Variants in PDE4D observed in about 807,000 individuals in gnomAD.
The protein encoded by PDE4D is 3',5'-cyclic-AMP phosphodiesterase 4D.
Under a neutral mutation model 87.4 loss-of-function variants are expected in PDE4D, and 24 were observed. The observed-to-expected ratio is 0.27, with a 90% CI of 0.20 to 0.39. PDE4D has a LOEUF of 0.39. Ranked by LOEUF, PDE4D falls within the 10% of genes least tolerant of loss-of-function variation. The pLI is 1.00. For missense variants in PDE4D, 714 were observed against 1,041.0 expected (o/e 0.69, Z 4.32); for synonymous variants, 384 against 383.2 (o/e 1.00, Z -0.02).
chr5:60,374,271 T>C (rs1056844577), intron 1 of PDE4D, among the ~76,000 whole-genome samples: 1 of 152,140 alleles, frequency 6.6e-6, no homozygotes, highest in Non-Finnish European at 1.5e-5. Context: ...CAATGGACAC[T>C]TTTTGCCATC....
intron 1 of PDE4D, among the ~76,000 whole-genome samples, chr5:59,390,061 A>G (rs1324297240): frequency 3.3e-5 from 5 of 152,158 alleles, no homozygotes; most frequent in Non-Finnish European, 1.5e-5. Context: ...CCCTGATTTG[A>G]TCATCACACA....
At chr5:59,767,742 T>C (rs765798420) in intron 1 of PDE4D, among the ~76,000 whole-genome samples, 92 of 152,262 alleles carry the variant, frequency 6.0e-4, no homozygotes, top group Non-Finnish European at 7.4e-4. Context: ...ATACTGTATA[T>C]CAAAGTCAGG....
intron 5 of PDE4D, among the ~76,000 whole-genome samples, chr5:59,049,072 C>T (rs370863443): frequency 6.6e-6 from 1 of 152,128 alleles, no homozygotes; most frequent in Non-Finnish European, 1.5e-5. Flanking sequence ...TTTTCAATAC[C>T]TTTCCCTTTT....
intron 2 of PDE4D, among the ~76,000 whole-genome samples, chr5:60,152,201 T>C (rs1435655806): frequency 2.0e-5 from 3 of 152,202 alleles, no homozygotes; most frequent in African/African-American, 7.2e-5. Context: ...ATCAGAAATA[T>C]TTATCAGTAA....
intron 1 of PDE4D, among the ~76,000 whole-genome samples, chr5:59,310,818 T>C (rs767988148): frequency 6.6e-6 from 1 of 152,152 alleles, no homozygotes; most frequent in African/African-American, 2.4e-5. Flanking sequence ...GGGACTCAGA[T>C]GCAGGTTTTC....
At chr5:59,009,902 T>C (rs549422911) in intron 6 of PDE4D, among the ~76,000 whole-genome samples, 1 of 152,352 alleles carries the variant, frequency 6.6e-6, no homozygotes, top group African/African-American at 2.4e-5. Flanking sequence ...GGCATAGTTA[T>C]GTATGATAAA....
intron 1 of PDE4D, among the ~76,000 whole-genome samples, chr5:59,676,281 C>A (rs1202643423): frequency 6.6e-6 from 1 of 152,136 alleles, no homozygotes; most frequent in Non-Finnish European, 1.5e-5. Flanking sequence ...TTAGAGTTTT[C>A]TTAGAAATAC....
At chr5:59,675,028 G>A (rs1747833609) in intron 1 of PDE4D, among the ~76,000 whole-genome samples, 1 of 152,178 alleles carries the variant, frequency 6.6e-6, no homozygotes, top group Non-Finnish European at 1.5e-5. Flanking sequence ...TCAACTACCT[G>A]TAACTAGATT....
At chr5:59,589,046 C>T (rs1583233864) in intron 1 of PDE4D, among the ~76,000 whole-genome samples, 1 of 152,176 alleles carries the variant, frequency 6.6e-6, no homozygotes, top group East Asian at 1.9e-4. Flanking sequence ...AGTATTACCC[C>T]ATTTAATCCA....
intron 5 of PDE4D, among the ~76,000 whole-genome samples, chr5:59,082,639 A>G (rs1425473903): frequency 6.6e-6 from 1 of 152,168 alleles, no homozygotes; most frequent in Non-Finnish European, 1.5e-5. Flanking sequence ...AAACTCTTGT[A>G]TAAATATTAT....
intron 1 of PDE4D, among the ~76,000 whole-genome samples, chr5:60,312,477 C>T (rs1240860709): frequency 6.6e-6 from 1 of 152,108 alleles, no homozygotes; most frequent in African/African-American, 2.4e-5. Context: ...GTTCTGCACT[C>T]CTAGGAGGCC....
At chr5:60,189,268 T>C (rs996971521) in intron 1 of PDE4D, among the ~76,000 whole-genome samples, 1 of 152,264 alleles carries the variant, frequency 6.6e-6, no homozygotes, top group Non-Finnish European at 1.5e-5. Flanking sequence ...GGACCACCTA[T>C]ATACATTTTG....
intron 5 of PDE4D, among the ~76,000 whole-genome samples, chr5:59,089,233 A>T (rs1294267769): frequency 6.6e-6 from 1 of 152,150 alleles, no homozygotes; most frequent in Non-Finnish European, 1.5e-5. Context: ...GAGTTTCAGA[A>T]GAGAAACTGA....
At chr5:59,762,001 C>T (rs1049914475) in intron 1 of PDE4D, among the ~76,000 whole-genome samples, 5 of 151,854 alleles carry the variant, frequency 3.3e-5, no homozygotes, top group Admixed American at 1.3e-4. Flanking sequence ...TTTTCTGGTC[C>T]GTTATAATAT....
Position 60,221,578 on chromosome 5 carries a change from C to T in PDE4D, c.-89-35891G>A, listed in dbSNP as rs1462143050. On this transcript the variant is annotated intron_variant, in intron 1 of 16. Transcript: ENST00000502484. ...TAAATTTGATGGAATATTTCCATTACCCCAAAAGTTTCCTTTTACCCACTC... is the reference window on the plus strand; with the variant it reads ...TAAATTTGATGGAATATTTCCATTATCCCAAAAGTTTCCTTTTACCCACTC... 2.0e-5 allele frequency among the ~76,000 whole-genome samples: 3 copies of T among 152,096 alleles called. No individual in the cohort carries two copies. The East Asian group carries it at 5.8e-4, about 29-fold the overall frequency.
intron 1 of PDE4D, among the ~76,000 whole-genome samples, chr5:59,486,010 C>T (rs916036508): frequency 6.6e-6 from 1 of 152,034 alleles, no homozygotes; most frequent in Non-Finnish European, 1.5e-5. Flanking sequence ...CACCTCCCTC[C>T]TCATGACAAC....
intron 1 of PDE4D, among the ~76,000 whole-genome samples, chr5:60,362,062 T>A (rs1412546824): frequency 6.6e-6 from 1 of 152,238 alleles, no homozygotes; most frequent in East Asian, 1.9e-4. Context: ...AAACTCTGCT[T>A]TCTGCTGAAG....
intron 3 of PDE4D, among the ~76,000 whole-genome samples, chr5:59,186,483 T>C (rs1279203605): frequency 6.6e-6 from 1 of 152,224 alleles, no homozygotes; most frequent in African/African-American, 2.4e-5. Flanking sequence ...CTAGCATTGG[T>C]AATTCAAGAG....
At chr5:59,114,007 T>C (rs1164316313) in intron 5 of PDE4D, among the ~76,000 whole-genome samples, 1 of 152,220 alleles carries the variant, frequency 6.6e-6, no homozygotes, top group East Asian at 1.9e-4. Context: ...ACTGATATTA[T>C]ATACCCTTTT....
Sources: gnomAD v4.1 joint callset for allele counts (sites outside exome capture counted in the v4.1 genomes callset) on GRCh38, gnomAD v4.1.1 for gene constraint, MANE v1.5 for transcripts, NCBI Gene and HGNC (gene_info 2026-07-23, HGNC 2026-07-21) for gene names.